LMTK2: variants seen among roughly 807,000 people sequenced by gnomAD.
LMTK2 encodes the protein lemur tail kinase 2.
LMTK2 carries 37 observed loss-of-function variants against 127.5 expected under a neutral mutation model. The ratio of observed to expected loss-of-function variants is 0.29; its 90% CI spans 0.22 to 0.38. LMTK2 has a LOEUF of 0.38. LMTK2 is among the 10% of genes least tolerant of loss of function. The pLI is 1.00. For missense variants in LMTK2, 1,694 were observed against 1,920.3 expected, an observed-to-expected ratio of 0.88 and a Z score of 2.20; for synonymous variants, 819 against 810.1, an observed-to-expected ratio of 1.01 and a Z score of -0.19.
intron 1 of LMTK2, among the ~76,000 whole-genome samples, chr7:98,111,914 T>A (rs903840135): frequency 3.9e-5 from 6 of 152,252 alleles, no homozygotes; most frequent in Admixed American, 3.9e-4. Context: ...GTTGGAGAAC[T>A]ATGCTGGAAA....
At chr7:98,125,408 T>TAATAA (rs1796430862) in intron 1 of LMTK2, among the ~76,000 whole-genome samples, 1 of 152,256 alleles carries the variant, frequency 6.6e-6, no homozygotes, top group African/African-American at 2.4e-5. Context: ...CTGCCCTGTG[T>TAATAA]GCAGGGACTT....
intron 11 of LMTK2, among the ~76,000 whole-genome samples, chr7:98,201,282 G>A (rs761867635): frequency 5.9e-5 from 9 of 152,074 alleles, no homozygotes; most frequent in South Asian, 2.1e-4. Context: ...CAAGTGGAGC[G>A]TCCCTTATCT....
chr7:98,157,640 T>TAAAAAA (rs34715220), intron 5 of LMTK2, among the ~76,000 whole-genome samples: 6 of 114,388 alleles, frequency 5.2e-5, no homozygotes, highest in Non-Finnish European at 3.6e-5. Flanking sequence ...GCTCCCACAT[T>TAAAAAA]AAAAAAAAAA....
At chr7:98,175,888 G>C (rs1797269139) in intron 7 of LMTK2, among the ~76,000 whole-genome samples, 2 of 152,220 alleles carry the variant, frequency 1.3e-5, no homozygotes, top group Non-Finnish European at 2.9e-5. Flanking sequence ...GGTGTCCTCT[G>C]TCTGACCTTT....
chr7:98,172,397 C>T (rs1243706427), intron 7 of LMTK2, among the ~76,000 whole-genome samples: 2 of 151,490 alleles, frequency 1.3e-5, no homozygotes, highest in Non-Finnish European at 2.9e-5. Context: ...CTCCACCTCC[C>T]GGGTTCACGC....
chr7:98,163,092 CAG>C (rs1797039400), intron 6 of LMTK2, among the ~76,000 whole-genome samples: 1 of 151,410 alleles, frequency 6.6e-6, no homozygotes, highest in Admixed American at 6.6e-5. Flanking sequence ...TTCCTAGAGA[CAG>C]AAAGTAGAAA....
At chr7:98,143,277 A>G (rs1486886240) in intron 3 of LMTK2, among the ~76,000 whole-genome samples, 1 of 152,232 alleles carries the variant, frequency 6.6e-6, no homozygotes, top group Non-Finnish European at 1.5e-5. Context: ...ATCTTGGGAT[A>G]CGAGAGGCCT....
Position 98,193,353 on chromosome 7 carries a change from G to C in LMTK2, c.2888G>C (p.Gly963Ala). The change falls in exon 11 of 14, where the codon GGC (glycine) becomes GCC (alanine). Residue 963 changes from glycine to alanine, a missense_variant. Gly to Ala is a moderately conservative substitution (Grantham distance 60, BLOSUM62 0). This residue lies in a region of LMTK2 where 527 missense variants were observed against 539.8 expected (regional missense o/e 0.98). Coordinates refer to ENST00000297293, the MANE Select transcript of LMTK2 (RefSeq NM_014916.4). The surrounding 1 kb of genome is among the most constrained non-coding windows in gnomAD (Gnocchi z 4.1). The stretch of plus-strand genomic sequence containing the variant: ...TCTAAAGACGCAGCAAAAGAAGCAG[G>C]CTTGGTGTCTGCCCTCTCCTCGGAC... ...LNSKDAAKEAGLVSALSSDST... is the reference protein window; with the variant it reads ...LNSKDAAKEAALVSALSSDST... 6.2e-7 allele frequency: 1 copy of C among 1,614,166 alleles called. No homozygotes were observed. The highest frequency in any genetic ancestry group is 8.5e-7 in the Non-Finnish European group (1 of 1,180,022).
intron 1 of LMTK2, among the ~76,000 whole-genome samples, chr7:98,119,078 T>G: frequency 8.5e-6 from 1 of 118,112 alleles, no homozygotes. Context: ...GGTGACAGAG[T>G]GAGAATCCAT....
Position 98,207,616 on chromosome 7 carries a change from A to C in LMTK2, c.*2124A>C, listed in dbSNP as rs1354810724. ...CTGAGTTTTCTCAGTTTTTACATCT[A>C]AGATTAGTCTTGGCTGAAGAGAAAT... On this transcript the variant is annotated 3_prime_UTR_variant, in exon 14 of 14. Transcript: ENST00000297293. 6.6e-6 allele frequency: 1 copy of C among 151,806 alleles called. No homozygotes were observed. The highest frequency in any genetic ancestry group is 1.5e-5 in the Non-Finnish European group (1 of 67,986). 9.4% of individuals were successfully genotyped at this position (151,806 alleles called of 1,614,324 possible).
Position 98,203,972 on chromosome 7 carries a change from C to T in LMTK2, c.4269C>T (p.Phe1423=). Residue 1423 remains phenylalanine, a synonymous_variant, in exon 13 of 14, where the codon TTC becomes TTT. Coordinates refer to ENST00000297293, the MANE Select transcript of LMTK2 (RefSeq NM_014916.4). ...EGGGFEWDDD[F]SPDPFMSKTT... ...GTGGCTTTGAGTGGGATGATGACTT[C>T]TCCCCAGATCCTTTTATGTCAAAGA... 3 of 1,614,076 alleles carry T rather than the reference C, an allele frequency of 1.9e-6. No individual in the cohort carries two copies. Among genetic ancestry groups the T allele is most frequent in the Non-Finnish European group, 2.5e-6 (3 of 1,179,964 alleles).
In LMTK2 at chr7:98,190,743, A is replaced by G. The variant is rs761829946; in HGVS notation, c.1014A>G (p.Thr338=). 9 of 1,614,076 alleles carry G rather than the reference A, an allele frequency of 5.6e-6. No homozygotes were observed. The South Asian group carries it at 6.6e-5, about 12-fold the overall frequency. The change falls in exon 10 of 14, where the codon ACA becomes ACG. Residue 338 remains threonine, a synonymous_variant. Transcript: ENST00000297293. ...KYSNIWSLGV[T]LWELFDNAAQ... ...TTTCCAACAGGTCTCTGGGTGTGAC[A>G]CTTTGGGAGCTTTTTGACAATGCCG...
intron 1 of LMTK2, among the ~76,000 whole-genome samples, chr7:98,129,307 A>G (rs116250536): frequency 1.9e-4 from 29 of 152,160 alleles, no homozygotes; most frequent in African/African-American, 7.0e-4. Context: ...GAGCTCAAGC[A>G]CTGGGATTAC....
At position 98,121,631 on chromosome 7, in the gene LMTK2, C is replaced by CAA. The variant is rs568171727; in HGVS notation, c.103+14362_103+14363dup. On this transcript the variant is annotated intron_variant, in intron 1 of 13. Coordinates refer to ENST00000297293, the MANE Select transcript of LMTK2 (RefSeq NM_014916.4). The stretch of plus-strand genomic sequence containing the variant: ...CCTGGCACAGAGCCAGACTCCATCT[C>CAA]AAAAAAAAAAAAGAAAATTAGGAAA... 5.3e-5 allele frequency among the ~76,000 whole-genome samples: 7 copies of CAA among 132,510 alleles called. No individual in the cohort carries two copies. In the South Asian group the frequency reaches 1.2e-3, roughly 23 times the overall value. The allele number at this position is 132,510 out of a possible 152,430, so 86.9% of individuals were successfully genotyped here.
intron 1 of LMTK2, among the ~76,000 whole-genome samples, chr7:98,122,726 G>GTGTGTA (rs1416979353): frequency 1.3e-3 from 19 of 14,242 alleles, no homozygotes; most frequent in African/African-American, 3.2e-3. Flanking sequence ...GTGTGTGTGT[G>GTGTGTA]TATATATATA....
rs1797789128 is a variant in LMTK2 at position 98,205,899 on chromosome 7, A to G, written c.*407A>G. ...GGCGCACGTGTGGGCACCACAGAGG[A>G]CACGTGAGGGGAATGGTCACCAGTG... On this transcript the variant is annotated 3_prime_UTR_variant, in exon 14 of 14. Coordinates refer to ENST00000297293, the MANE Select transcript of LMTK2 (RefSeq NM_014916.4). 1 of 207,830 alleles carries G rather than the reference A, an allele frequency of 4.8e-6. No individual in the cohort carries two copies. Among genetic ancestry groups the G allele is most frequent in the Non-Finnish European group, 9.8e-6 (1 of 102,402 alleles). The allele number at this position is 207,830 out of a possible 1,614,324, so 12.9% of individuals were successfully genotyped here.
At chr7:98,159,951 C>T (rs531989737) in intron 6 of LMTK2, among the ~76,000 whole-genome samples, 3 of 152,294 alleles carry the variant, frequency 2.0e-5, no homozygotes, top group Admixed American at 6.5e-5. Context: ...AACCTTATTT[C>T]TTAGCATGAT....
Position 98,137,462 on chromosome 7 carries a change from A to C in LMTK2, c.231+20A>C. The C allele has an allele frequency of 6.2e-7, 1 of 1,600,128 alleles. No homozygotes were observed. Among genetic ancestry groups the C allele is most frequent in the Non-Finnish European group, 8.5e-7 (1 of 1,175,328 alleles). On this transcript the variant is annotated intron_variant, in intron 2 of 13. Transcript: ENST00000297293. The stretch of plus-strand genomic sequence containing the variant: ...TTTAAGGTGAGCACAGAGGGTAGGA[A>C]CATTTAAAATGGTCTTCCAATATGT...
chr7:98,111,406 A>G (rs1796199624), intron 1 of LMTK2, among the ~76,000 whole-genome samples: 1 of 152,250 alleles, frequency 6.6e-6, no homozygotes, highest in Admixed American at 6.5e-5. Flanking sequence ...ACATATAGAA[A>G]TAATCCAACT....
Sources: allele counts gnomAD v4.1 joint callset (sites outside exome capture counted in the v4.1 genomes callset), GRCh38; gene constraint gnomAD v4.1.1; regional missense constraint gnomAD v4.1.1; non-coding constraint Gnocchi (gnomAD v3.1); transcripts MANE v1.5; gene names NCBI Gene and HGNC (gene_info 2026-07-23, HGNC 2026-07-21).